MYRIP: variants seen among roughly 807,000 people sequenced by gnomAD.
The protein encoded by MYRIP is rab effector MyRIP.
MYRIP carries 49 observed loss-of-function variants against 98.0 expected under a neutral mutation model. The ratio of observed to expected loss-of-function variants is 0.50; its 90% confidence interval spans 0.40 to 0.63. The LOEUF (loss-of-function observed/expected upper bound fraction) is 0.63, where lower values mean the gene tolerates loss of function less well. Ranked by LOEUF, MYRIP falls within the 30% of genes least tolerant of loss-of-function variation. The probability of loss-of-function intolerance (pLI) is 0.00; values close to 1 mark genes in which losing one functional copy is unlikely to be tolerated. For synonymous variants in MYRIP, 404 were observed against 409.5 expected (o/e 0.99, Z 0.16); for missense variants, 1,004 against 1,058.2 (o/e 0.95, Z 0.71).
At chr3:40,006,303 G>C (rs1383886789) in intron 2 of MYRIP, among the ~76,000 whole-genome samples, 1 of 152,096 alleles carries the variant, frequency 6.6e-6, no homozygotes, top group East Asian at 1.9e-4. Flanking sequence ...ACCCAGCTTA[G>C]AAGGAGGCTG....
intron 1 of MYRIP, among the ~76,000 whole-genome samples, chr3:39,829,085 T>G (rs1941355749): frequency 6.6e-6 from 1 of 152,224 alleles, no homozygotes; most frequent in African/African-American, 2.4e-5. Flanking sequence ...CTAGTTTACA[T>G]TCCCACCAGC....
chr3:39,933,010 G>A (rs1944575982), intron 2 of MYRIP, among the ~76,000 whole-genome samples: 1 of 152,154 alleles, frequency 6.6e-6, no homozygotes, highest in South Asian at 2.1e-4. Context: ...AGCATTTCTA[G>A]GACTGCTCTA....
chr3:40,099,984 C>T (rs148526130), intron 3 of MYRIP: 41 of 984,872 alleles, frequency 4.2e-5, no homozygotes, highest in East Asian at 1.1e-4. Flanking sequence ...CACAGCTCTC[C>T]GTCACCTCCC....
At chr3:39,866,416 A>G (rs1942626404) in intron 1 of MYRIP, among the ~76,000 whole-genome samples, 1 of 152,224 alleles carries the variant, frequency 6.6e-6, no homozygotes, top group Admixed American at 6.5e-5. Flanking sequence ...TTTCTATATC[A>G]TAACAAAACT....
intron 2 of MYRIP, among the ~76,000 whole-genome samples, chr3:39,928,432 G>A (rs1944466355): frequency 6.6e-6 from 1 of 151,562 alleles, no homozygotes; most frequent in Non-Finnish European, 1.5e-5. Context: ...CAAAAATCTT[G>A]TACAAAATAT....
chr3:40,218,619 TATATATATATA>T (rs1559460422), intron 11 of MYRIP, among the ~76,000 whole-genome samples: 1,031 of 17,348 alleles, frequency 0.059, 24 homozygotes, highest in Admixed American at 0.11. Context: ...ATTTTATATA[TATATATATATA>T]TATATATATA....
chr3:40,055,938 C>A (rs1256496194), intron 3 of MYRIP, among the ~76,000 whole-genome samples: 1 of 152,104 alleles, frequency 6.6e-6, no homozygotes, highest in African/African-American at 2.4e-5. Flanking sequence ...AAATCCATGC[C>A]ATGAACTAAA....
chr3:39,909,003 T>C (rs191748730), intron 2 of MYRIP, among the ~76,000 whole-genome samples: 1 of 152,324 alleles, frequency 6.6e-6, no homozygotes, highest in Admixed American at 6.5e-5. Context: ...GTGGGGATGC[T>C]CCAAGGTAGT....
chr3:39,816,832 T>C (rs77417796), intron 1 of MYRIP, among the ~76,000 whole-genome samples: 2,434 of 152,308 alleles, frequency 0.016, 57 homozygotes, highest in African/African-American at 0.055. Flanking sequence ...TATATTTTTT[T>C]CCAGAGGTCA....
At chr3:39,933,537 TGAG>T (rs1944589079) in intron 2 of MYRIP, among the ~76,000 whole-genome samples, 1 of 152,214 alleles carries the variant, frequency 6.6e-6, no homozygotes, top group Non-Finnish European at 1.5e-5. Context: ...GGAGAAACTC[TGAG>T]AAGAAGCCAC....
At chr3:40,221,386 T>A (rs1362214529) in intron 11 of MYRIP, among the ~76,000 whole-genome samples, 1 of 152,208 alleles carries the variant, frequency 6.6e-6, no homozygotes, top group Non-Finnish European at 1.5e-5. Context: ...ATGCCAACAC[T>A]TTAGGAGGCC....
chr3:40,200,131 T>TTTTTTTTTTTTTTTTTTTTTTTTG (rs1553626079), intron 10 of MYRIP, among the ~76,000 whole-genome samples: 1 of 149,660 alleles, frequency 6.7e-6, no homozygotes, highest in Non-Finnish European at 1.5e-5. Context: ...ATTTTCTTTT[T>TTTTTTTTTTTTTTTTTTTTTTTTG]ATCATAGGCC....
At chr3:40,257,110 G>A (rs1575689932) in intron 16 of MYRIP, among the ~76,000 whole-genome samples, 1 of 152,296 alleles carries the variant, frequency 6.6e-6, no homozygotes, top group East Asian at 1.9e-4. Context: ...AGGATCACTT[G>A]AGGCCAGGAG....
At chr3:39,856,620 C>T (rs1434278127) in intron 1 of MYRIP, among the ~76,000 whole-genome samples, 1 of 152,202 alleles carries the variant, frequency 6.6e-6, no homozygotes, top group East Asian at 1.9e-4. Flanking sequence ...GCTACCCAGC[C>T]ACAGATCACA....
At chr3:39,917,662 G>A (rs1944195446) in intron 2 of MYRIP, among the ~76,000 whole-genome samples, 1 of 151,570 alleles carries the variant, frequency 6.6e-6, no homozygotes, top group African/African-American at 2.4e-5. Context: ...TCAAATCACT[G>A]ACCTTTATTA....
intron 3 of MYRIP, among the ~76,000 whole-genome samples, chr3:40,055,069 TA>T (rs1185911289): frequency 6.6e-6 from 1 of 152,182 alleles, no homozygotes; most frequent in Non-Finnish European, 1.5e-5. Flanking sequence ...TGACTCTGCT[TA>T]TTTACATGGT....
At chr3:39,837,177 CTGA>C (rs1941652541) in intron 1 of MYRIP, among the ~76,000 whole-genome samples, 1 of 152,226 alleles carries the variant, frequency 6.6e-6, no homozygotes, top group African/African-American at 2.4e-5. Context: ...CCTGTTCACT[CTGA>C]TGATAGTTTC....
At chr3:40,198,638 G>C (rs898984260) in intron 10 of MYRIP, among the ~76,000 whole-genome samples, 1 of 152,072 alleles carries the variant, frequency 6.6e-6, no homozygotes, top group Non-Finnish European at 1.5e-5. Context: ...CTGATTTTTT[G>C]TTGATTGAGA....
intron 1 of MYRIP, among the ~76,000 whole-genome samples, chr3:39,890,788 A>T (rs2125658962): frequency 6.6e-6 from 1 of 152,146 alleles, no homozygotes; most frequent in Non-Finnish European, 1.5e-5. Flanking sequence ...TCTGTGTATG[A>T]TTCCTTGTAT....
Sources: allele counts gnomAD v4.1 joint callset (sites outside exome capture counted in the v4.1 genomes callset), GRCh38; gene constraint gnomAD v4.1.1; transcripts MANE v1.5; gene names NCBI Gene and HGNC (gene_info 2026-07-23, HGNC 2026-07-21).